USH2A: variants seen among roughly 807,000 people sequenced by gnomAD.
USH2A encodes the protein usherin.
A neutral mutation model predicts 538.9 loss-of-function variants in USH2A; 443 were observed. The observed-to-expected ratio is 0.82, with a 90% CI of 0.76 to 0.89. The LOEUF (loss-of-function observed/expected upper bound fraction) is 0.89. Ranked by LOEUF, USH2A falls within the 40% of genes least tolerant of loss-of-function variation. USH2A has a pLI of 0.00. For synonymous variants in USH2A, 2,413 were observed against 2,273.5 expected, an observed-to-expected ratio of 1.06 and a Z score of -1.75; for missense variants, 6,633 against 6,324.8, an observed-to-expected ratio of 1.05 and a Z score of -1.65.
intron 11 of USH2A, among the ~76,000 whole-genome samples, chr1:216,254,434 A>C (rs1173095072): frequency 6.6e-6 from 1 of 151,828 alleles, no homozygotes; most frequent in Non-Finnish European, 1.5e-5. Context: ...ACACTAAGAC[A>C]CTCTTTGGTA....
chr1:216,131,688 T>C (rs2033379574), intron 21 of USH2A, among the ~76,000 whole-genome samples: 1 of 152,062 alleles, frequency 6.6e-6, no homozygotes, highest in Non-Finnish European at 1.5e-5. Flanking sequence ...ATGTATTCAT[T>C]CATGATTGTC....
intron 10 of USH2A, among the ~76,000 whole-genome samples, chr1:216,290,827 G>A (rs2036986934): frequency 6.6e-6 from 1 of 152,064 alleles, no homozygotes; most frequent in Non-Finnish European, 1.5e-5. Flanking sequence ...CCAATGTTGA[G>A]CCTACTGCTC....
intron 11 of USH2A, among the ~76,000 whole-genome samples, chr1:216,265,814 C>T (rs2036461062): frequency 6.6e-6 from 1 of 151,946 alleles, no homozygotes; most frequent in Non-Finnish European, 1.5e-5. Context: ...ATAAATATTA[C>T]CTGTTCTGAC....
intron 22 of USH2A, among the ~76,000 whole-genome samples, chr1:216,093,816 G>C (rs2032365796): frequency 6.6e-6 from 1 of 152,150 alleles, no homozygotes; most frequent in African/African-American, 2.4e-5. Flanking sequence ...GTGCATAACT[G>C]TGAAGTCCAA....
At chr1:216,197,782 G>A (rs2034884132) in intron 18 of USH2A, among the ~76,000 whole-genome samples, 1 of 152,020 alleles carries the variant, frequency 6.6e-6, no homozygotes, top group African/African-American at 2.4e-5. Flanking sequence ...TAGATATGTT[G>A]TCCTCCTTCC....
intron 4 of USH2A, among the ~76,000 whole-genome samples, chr1:216,359,003 G>A (rs2038440772): frequency 6.6e-6 from 1 of 152,120 alleles, no homozygotes; most frequent in Admixed American, 6.6e-5. Context: ...ACTTTTAGAA[G>A]TACTAATGGG....
intron 3 of USH2A, among the ~76,000 whole-genome samples, chr1:216,372,378 A>C (rs921003107): frequency 6.6e-6 from 1 of 152,146 alleles, no homozygotes; most frequent in Non-Finnish European, 1.5e-5. Context: ...TGAGTAACTC[A>C]GACAAGCCAA....
intron 64 of USH2A, among the ~76,000 whole-genome samples, chr1:215,660,101 G>T (rs960367649): frequency 1.3e-5 from 2 of 152,192 alleles, no homozygotes; most frequent in Non-Finnish European, 2.9e-5. Flanking sequence ...GGTAACTGTT[G>T]GGGTAGAATT....
chr1:215,888,981 A>G lies in USH2A; in HGVS notation c.7668T>C (p.Pro2556=). Residue 2556 remains proline, a synonymous_variant, in exon 41 of 72, where the codon CCT becomes CCC. Coordinates refer to ENST00000307340, the MANE Select transcript of USH2A (RefSeq NM_206933.4). ...SRMMLVTWQH[P]RKSNGVITHY... ...GGGTAATAACCCCATTGGATTTTCT[A>G]GGATGCTGCCAGGTGACCAACATCA... The G allele has an allele frequency of 6.2e-7, 1 of 1,614,112 alleles. No individual in the cohort carries two copies. The highest frequency in any genetic ancestry group is 1.1e-5 in the South Asian group (1 of 91,090).
intron 40 of USH2A, among the ~76,000 whole-genome samples, chr1:215,890,221 T>C (rs1558147276): frequency 6.6e-6 from 1 of 152,224 alleles, no homozygotes; most frequent in African/African-American, 2.4e-5. Context: ...TTATGAGATT[T>C]TTCTGTGAAC....
intron 49 of USH2A, among the ~76,000 whole-genome samples, chr1:215,804,828 T>C (rs1662446834): frequency 2.0e-5 from 3 of 152,166 alleles, no homozygotes; most frequent in Non-Finnish European, 4.4e-5. Flanking sequence ...TAAAGACACA[T>C]GCACACGTAT....
rs780581599 is a variant in USH2A at position 216,394,720 on chromosome 1, C to CTTTT, written c.651+23790_651+23793dup. 9.1e-4 allele frequency among the ~76,000 whole-genome samples: 110 copies of CTTTT among 120,310 alleles called. 6 individuals carry two copies. The highest frequency in any genetic ancestry group is 2.3e-3 in the African/African-American group (75 of 33,122). 78.9% of individuals were successfully genotyped at this position (120,310 alleles called of 152,430 possible). On this transcript the variant is annotated intron_variant, in intron 3 of 71. Coordinates refer to ENST00000307340, the MANE Select transcript of USH2A (RefSeq NM_206933.4). ...CTTAAGGCCTAATAACTGGTCCAGT[C>CTTTT]TTTTTTTTTTTTTTTTGAGACAGAG...
chr1:215,694,172 G>C (rs1178687911), intron 61 of USH2A, among the ~76,000 whole-genome samples: 1 of 152,166 alleles, frequency 6.6e-6, no homozygotes, highest in Non-Finnish European at 1.5e-5. Flanking sequence ...ACCTGTACAA[G>C]ATAAGACAAT....
intron 44 of USH2A, among the ~76,000 whole-genome samples, chr1:215,850,096 C>G (rs528018643): frequency 1.3e-5 from 2 of 152,060 alleles, no homozygotes; most frequent in Admixed American, 1.3e-4. Flanking sequence ...CTGATAAGTA[C>G]TGAAGCTATT....
At chr1:215,683,251 A>ACACG (rs1553253171) in intron 61 of USH2A, among the ~76,000 whole-genome samples, 2 of 11,892 alleles carry the variant, frequency 1.7e-4, no homozygotes, top group African/African-American at 3.5e-4. Context: ...ACACACACAC[A>ACACG]CACGCACACA....
At position 215,624,117 on chromosome 1, in the gene USH2A, G is replaced by A. The variant is rs1364736226; in HGVS notation, c.*1664C>T. 4 of 152,228 alleles carry A rather than the reference G, an allele frequency of 2.6e-5. No individual in the cohort carries two copies. The highest frequency in any genetic ancestry group is 3.4e-3 in the Middle Eastern group (1 of 294). 9.4% of individuals were successfully genotyped at this position (152,228 alleles called of 1,614,324 possible). On this transcript the variant is annotated 3_prime_UTR_variant, in exon 72 of 72. Transcript: ENST00000307340. The stretch of plus-strand genomic sequence containing the variant: ...ATTTCAGAAAGTATAAAAACTTGGC[G>A]AGAAATATATATTTCGTATTTTCTA...
At chr1:216,420,752 T>C (rs2039661905) in intron 2 of USH2A, among the ~76,000 whole-genome samples, 1 of 152,152 alleles carries the variant, frequency 6.6e-6, no homozygotes, top group Admixed American at 6.6e-5. Flanking sequence ...TTTCAAACAG[T>C]AAGAAAACAA....
At chr1:216,266,379 A>T (rs2036473530) in intron 11 of USH2A, among the ~76,000 whole-genome samples, 1 of 152,172 alleles carries the variant, frequency 6.6e-6, no homozygotes, top group Non-Finnish European at 1.5e-5. Context: ...ATTCTGCAAC[A>T]TTATAGTAAA....
chr1:215,844,071 C>T (rs1054771731), intron 46 of USH2A, among the ~76,000 whole-genome samples: 1 of 152,156 alleles, frequency 6.6e-6, no homozygotes, highest in African/African-American at 2.4e-5. Context: ...TCACCATCCT[C>T]ATCACCATCG....
Sources: gnomAD v4.1 joint callset for allele counts (sites outside exome capture counted in the v4.1 genomes callset) on GRCh38, gnomAD v4.1.1 for gene constraint, MANE v1.5 for transcripts, NCBI Gene and HGNC (gene_info 2026-07-23, HGNC 2026-07-21) for gene names.